The following MEAK7 variants were observed in gnomAD, a reference collection of about 807,000 sequenced individuals.
The protein encoded by MEAK7 is MTOR-associated protein MEAK7.
Under a neutral mutation model 40.5 loss-of-function variants are expected in MEAK7, and 68 were observed. That is an observed-to-expected ratio of 1.68 (90% CI 1.38 to 2.06). MEAK7 has a LOEUF of 2.06. Among genes scored for constraint, MEAK7 ranks in the 30% most tolerant of loss-of-function variants. The pLI is 0.00. For missense variants in MEAK7, 918 were observed against 580.5 expected (o/e 1.58, Z -5.98); for synonymous variants, 338 against 231.9 (o/e 1.46, Z -4.16).
intron 3 of MEAK7, among the ~76,000 whole-genome samples, chr16:84,495,211 G>C (rs1032024839): frequency 3.3e-5 from 5 of 152,206 alleles, no homozygotes; most frequent in Non-Finnish European, 7.3e-5. Context: ...AGAGGTTGCA[G>C]TGAGTCAAGA....
Position 84,486,773 on chromosome 16 carries a change from A to C in MEAK7, c.816T>G (p.Ser272=). Residue 272 remains serine, a synonymous_variant, in exon 5 of 8, where the codon TCT becomes TCG. Transcript: ENST00000343629. ...GGGAGAAGCTGTGTCCATGGAGCTCAGACGAAAAGAGCAGGCACCAGCGGT... is the reference window on the plus strand; with the variant it reads ...GGGAGAAGCTGTGTCCATGGAGCTCCGACGAAAAGAGCAGGCACCAGCGGT... ...QRHRWCLLFS[S]ELHGHSFSQL... is the part of the protein sequence containing the mutation. 6.2e-7 allele frequency: 1 copy of C among 1,614,048 alleles called. No individual in the cohort carries two copies. Among genetic ancestry groups the C allele is most frequent in the Admixed American group, 1.7e-5 (1 of 60,022 alleles).
intron 7 of MEAK7, 68 bp from the exon 8 acceptor site, chr16:84,480,094 G>C (rs1456862977): frequency 1.5e-6 from 2 of 1,291,922 alleles, no homozygotes; most frequent in African/African-American, 3.0e-5. Flanking sequence ...CTTCCTGCTA[G>C]TTTTCCAGCC....
chr16:84,501,243 G>A (rs1301181196), intron 1 of MEAK7, among the ~76,000 whole-genome samples: 1 of 152,124 alleles, frequency 6.6e-6, no homozygotes, highest in African/African-American at 2.4e-5. Flanking sequence ...GAGACTCACA[G>A]GTGATTCACC....
intron 1 of MEAK7, among the ~76,000 whole-genome samples, chr16:84,500,203 A>G (rs911381430): frequency 6.6e-6 from 1 of 152,128 alleles, no homozygotes; most frequent in Non-Finnish European, 1.5e-5. Context: ...CCTTTTGCTT[A>G]TCCATCATTA....
intron 3 of MEAK7, among the ~76,000 whole-genome samples, chr16:84,490,421 G>A (rs1227622851): frequency 6.8e-6 from 1 of 147,042 alleles, no homozygotes; most frequent in Non-Finnish European, 1.5e-5. Flanking sequence ...ACTCTCGCTG[G>A]GCGGCTAAGT....
At position 84,498,013 on chromosome 16, in the gene MEAK7, TC is replaced by T; in HGVS notation, c.73del (p.Asp25IlefsTer23). The T allele has an allele frequency of 6.2e-7, 1 of 1,614,180 alleles. No individual in the cohort carries two copies. The highest frequency in any genetic ancestry group is 8.5e-7 in the Non-Finnish European group (1 of 1,180,036). ...QFLPEEQAEIDQLFDALSSDK... is the reference protein window; with the variant it reads ...QFLPEEQAEIXQLFDALSSDK... ...TGATGACAGAGCATCAAACAATTGA[TC>T]AATCTCTGCCTGTTCCTCAGGAAGA... On this transcript the variant is annotated frameshift_variant, in exon 2 of 8. Transcript: ENST00000343629. LOFTEE classifies it high-confidence loss of function.
In MEAK7 at chr16:84,479,818, A is replaced by G. The variant is rs935752422; in HGVS notation, c.*95T>C. On this transcript the variant is annotated 3_prime_UTR_variant, in exon 8 of 8. Transcript: ENST00000343629. ...GCTGTGACCCGTGCGGTACGCTATT[A>G]CAGTTAAACCATGTGGGAGGGAAGA... The G allele has an allele frequency of 2.2e-6, 2 of 914,570 alleles. No individual in the cohort carries two copies. Among genetic ancestry groups the G allele is most frequent in the Non-Finnish European group, 3.2e-6 (2 of 621,296 alleles). 56.7% of individuals were successfully genotyped at this position (914,570 alleles called of 1,614,324 possible).
chr16:84,489,129 A>C, intron 4 of MEAK7, 149 bp downstream of exon 4: 1 of 1,059,652 alleles, frequency 9.4e-7, no homozygotes. Context: ...GATTATTTTA[A>C]AATATGCCAA....
At chr16:84,496,647 C>A in intron 2 of MEAK7, among the ~76,000 whole-genome samples, 1 of 152,162 alleles carries the variant, frequency 6.6e-6, no homozygotes, top group East Asian at 1.9e-4. Flanking sequence ...CTTCACAATG[C>A]TGCTGTCAGC....
At position 84,482,637 on chromosome 16, in the gene MEAK7, G is replaced by A. The variant is rs765631740; in HGVS notation, c.1032C>T (p.His344=). 3.7e-6 allele frequency: 6 copies of A among 1,614,264 alleles called. No homozygotes were observed. Among genetic ancestry groups the A allele is most frequent in the Non-Finnish European group, 3.4e-6 (4 of 1,180,050 alleles). ...GCTGTCCATGGTTCAAGTACATGTA[G>A]TGGTCGTTGTAGCCCGTGTGTGTGT... ...AVYTHTGYND[H]YMYLNHGQQT... is the part of the protein sequence containing the mutation. Residue 344 remains histidine (H), a synonymous_variant, in exon 6 of 8, where the codon CAC becomes CAT. Transcript: ENST00000343629.
At chr16:84,484,854 A>ACTCGGTTTTGAGTT (rs1912894318) in intron 5 of MEAK7, among the ~76,000 whole-genome samples, 1 of 152,186 alleles carries the variant, frequency 6.6e-6, no homozygotes, top group South Asian at 2.1e-4. Context: ...ACGTACTGCA[A>ACTCGGTTTTGAGTT]CAGAATGAAC....
At chr16:84,497,136 A>G (rs1914116440) in intron 2 of MEAK7, 2 of 232,512 alleles carry the variant, frequency 8.6e-6, no homozygotes, top group African/African-American at 4.6e-5. Flanking sequence ...ACTGGATGTA[A>G]CCCCCTGGCC....
chr16:84,481,321 GC>G (rs1243679380), intron 6 of MEAK7, among the ~76,000 whole-genome samples: 2 of 152,126 alleles, frequency 1.3e-5, no homozygotes, highest in African/African-American at 4.8e-5. Flanking sequence ...GTAACACCTG[GC>G]ACGCCCTAGT....
At chr16:84,485,043 G>A (rs563684493) in intron 5 of MEAK7, among the ~76,000 whole-genome samples, 4 of 152,150 alleles carry the variant, frequency 2.6e-5, no homozygotes, top group Admixed American at 6.5e-5. Flanking sequence ...TCCTAAAGCC[G>A]AGCCTTCAGC....
At chr16:84,485,404 G>T (rs914417034) in intron 5 of MEAK7, among the ~76,000 whole-genome samples, 1 of 152,196 alleles carries the variant, frequency 6.6e-6, no homozygotes, top group African/African-American at 2.4e-5. Flanking sequence ...CCAGCCAGAT[G>T]CCACCTAGCC....
Position 84,497,997 on chromosome 16 carries a change from A to C in MEAK7, c.90T>G (p.Ala30=). 6.2e-7 allele frequency: 1 copy of C among 1,614,236 alleles called. No homozygotes were observed. The highest frequency in any genetic ancestry group is 8.5e-7 in the Non-Finnish European group (1 of 1,180,044). The part of the protein sequence containing the change: ...EQAEIDQLFD[A]LSSDKNSPNV... ...TCGGGCTGTTTTTATCTGATGACAG[A>C]GCATCAAACAATTGATCAATCTCTG... The change falls in exon 2 of 8, where the codon GCT becomes GCG. Residue 30 remains alanine, a synonymous_variant. Transcript: ENST00000343629.
At chr16:84,480,452 G>C (rs748516850) in intron 7 of MEAK7, 77 bp downstream of exon 7, 11 of 1,470,258 alleles carry the variant, frequency 7.5e-6, no homozygotes, top group African/African-American at 2.8e-5. Context: ...AAGAGTAAAG[G>C]GGTAATGGTA....
chr16:84,502,045 G>A (rs1163055034), intron 1 of MEAK7, among the ~76,000 whole-genome samples: 1 of 152,122 alleles, frequency 6.6e-6, no homozygotes, highest in Admixed American at 6.6e-5. Flanking sequence ...TTGAGAGGCT[G>A]AGGCAGGAGA....
chr16:84,496,827 C>G (rs1325519153), intron 2 of MEAK7, among the ~76,000 whole-genome samples: 1 of 152,186 alleles, frequency 6.6e-6, no homozygotes, highest in South Asian at 2.1e-4. Flanking sequence ...TGGCCACCAT[C>G]TGAGCTTCAC....
Sources: gnomAD v4.1 joint callset for allele counts (sites outside exome capture counted in the v4.1 genomes callset) on GRCh38, gnomAD v4.1.1 for gene constraint, MANE v1.5 for transcripts, NCBI Gene and HGNC (gene_info 2026-07-23, HGNC 2026-07-21) for gene names.